NGLY1: variants seen among roughly 807,000 people sequenced by gnomAD.
NGLY1 encodes peptide-N(4)-(N-acetyl-beta-glucosaminyl)asparagine amidase.
Under a neutral mutation model 84.6 loss-of-function variants are expected in NGLY1, and 68 were observed. That is an observed-to-expected ratio of 0.80 (90% CI 0.66 to 0.98). NGLY1 has a LOEUF of 0.98. Ranked by LOEUF, NGLY1 falls within the 50% of genes least tolerant of loss-of-function variation. NGLY1 has a pLI of 0.00. For missense variants in NGLY1, 779 were observed against 770.2 expected (o/e 1.01, Z -0.14); for synonymous variants, 280 against 275.2 (o/e 1.02, Z -0.17).
chr3:25,739,691 T>C lies in NGLY1; in HGVS notation c.767A>G (p.Gln256Arg), dbSNP rs1276332899. 3 of 1,614,148 alleles carry C rather than the reference T, an allele frequency of 1.9e-6. No individual in the cohort carries two copies. Among genetic ancestry groups the C allele is most frequent in the South Asian group, 1.1e-5 (1 of 91,086 alleles). ...TAATGATCTATCTCTAGACCTAGTC[T>C]GTCCACCACATTTGCTGCACAAAAC... ...NNVLCSKCGG[Q>R]TRSRDRSLLP... The change falls in exon 5 of 12, where the codon CAG (glutamine) becomes CGG (arginine). Residue 256 changes from glutamine (Q) to arginine (R), a missense_variant. Coordinates refer to ENST00000280700, the MANE Select transcript of NGLY1 (RefSeq NM_018297.4).
intron 8 of NGLY1, among the ~76,000 whole-genome samples, chr3:25,733,473 G>A (rs1340027876): frequency 0.022 from 1,283 of 57,696 alleles, 25 homozygotes; most frequent in African/African-American, 0.06. Context: ...GGACGTGTGT[G>A]TGTGTGTGTG....
intron 10 of NGLY1, 88 bp from the exon 11 acceptor site, chr3:25,720,279 C>T (rs1365657986): frequency 5.6e-6 from 6 of 1,065,226 alleles, no homozygotes; most frequent in East Asian, 2.5e-5. Context: ...ATTACTGTCA[C>T]AGGGTAGTAT....
intron 3 of NGLY1, chr3:25,755,289 C>G: frequency 7.3e-7 from 1 of 1,362,806 alleles, no homozygotes; most frequent in Non-Finnish European, 1.1e-6. Context: ...TACTGCTTAA[C>G]AGCTCCAAAC....
chr3:25,750,516 G>A (rs1346004652), intron 4 of NGLY1, among the ~76,000 whole-genome samples: 1 of 152,102 alleles, frequency 6.6e-6, no homozygotes, highest in Non-Finnish European at 1.5e-5. Context: ...AATGAGTATA[G>A]TTTCAGTTTT....
chr3:25,774,122 T>C (rs118077400), intron 2 of NGLY1, among the ~76,000 whole-genome samples: 9 of 152,346 alleles, frequency 5.9e-5, no homozygotes, highest in East Asian at 1.9e-4. Context: ...TGTCATGCGA[T>C]TGGACTCAAG....
In NGLY1 at chr3:25,783,438, C is replaced by T; in HGVS notation, c.-48G>A. On this transcript the variant is annotated 5_prime_UTR_variant, in exon 1 of 12. Transcript: ENST00000280700. The surrounding 1 kb of genome is among the most constrained non-coding windows in gnomAD (Gnocchi z 4.5). ...CCGCCGCCCCTCGCTCTCCGCGTCC[C>T]ACACTGAGCAGGCGCCTCAGCGCGC... 1 of 1,478,922 alleles carries T rather than the reference C, an allele frequency of 6.8e-7. No homozygotes were observed. 91.6% of individuals were successfully genotyped at this position (1,478,922 alleles called of 1,614,324 possible).
chr3:25,734,541 G>GA (rs879289944), intron 7 of NGLY1: 36 of 151,736 alleles, frequency 2.4e-4, no homozygotes, highest in Non-Finnish European at 4.2e-4. Context: ...CGTCTCTACT[G>GA]AAAAAAAACA....
chr3:25,770,913 ATTTG>A (rs1190214710), intron 2 of NGLY1, among the ~76,000 whole-genome samples: 3 of 151,222 alleles, frequency 2.0e-5, no homozygotes, highest in East Asian at 1.9e-4. Flanking sequence ...TTTCTTGCTG[ATTTG>A]TTTGAGTTCC....
chr3:25,762,378 G>A (rs1007289640), intron 3 of NGLY1, among the ~76,000 whole-genome samples: 4 of 152,120 alleles, frequency 2.6e-5, no homozygotes, highest in African/African-American at 9.7e-5. Context: ...ATATTCCAGT[G>A]ATCCACGAAT....
intron 2 of NGLY1, among the ~76,000 whole-genome samples, chr3:25,765,236 GA>G (rs1707503000): frequency 6.6e-6 from 1 of 152,000 alleles, no homozygotes. Flanking sequence ...CACATGGGCA[GA>G]TTACCTGAGG....
At chr3:25,770,968 T>C (rs150662703) in intron 2 of NGLY1, among the ~76,000 whole-genome samples, 2,229 of 152,332 alleles carry the variant, frequency 0.015, 25 homozygotes, top group Non-Finnish European at 0.021. Flanking sequence ...GATACTTAGT[T>C]TGTGAAGATT....
intron 4 of NGLY1, among the ~76,000 whole-genome samples, chr3:25,746,916 G>A (rs1038450621): frequency 1.3e-5 from 2 of 152,090 alleles, no homozygotes; most frequent in African/African-American, 2.4e-5. Flanking sequence ...TGCAACCTCC[G>A]CCTTCCGGTT....
Position 25,719,621 on chromosome 3 carries a change from A to G in NGLY1, c.1804T>C (p.Ser602Pro), listed in dbSNP as rs112709918. The G allele has an allele frequency of 8.5e-5, 137 of 1,613,392 alleles. No individual in the cohort carries two copies. The highest frequency in any genetic ancestry group is 1.7e-4 in the Middle Eastern group (1 of 6,056). ...VELTGDNSLH[S>P]YADFSGATEV... ...GTGGCACCAGAAAAATCAGCATAGG[A>G]GTGAAGACTGTTATCTGTTAGAGGG... Residue 602 changes from serine to proline, a missense_variant, in exon 12 of 12, where the codon TCC becomes CCC. Transcript: ENST00000280700.
At chr3:25,727,744 G>A (rs534305352) in intron 10 of NGLY1, among the ~76,000 whole-genome samples, 1 of 152,266 alleles carries the variant, frequency 6.6e-6, no homozygotes, top group South Asian at 2.1e-4. Flanking sequence ...AGACAAAGAA[G>A]AAATACTCCA....
chr3:25,732,512 T>A (rs774184276), intron 8 of NGLY1, 29 bp from the exon 9 acceptor site: 1 of 1,593,736 alleles, frequency 6.3e-7, no homozygotes. Flanking sequence ...AAAAAAGTTG[T>A]TAAGATTAGG....
At chr3:25,747,037 T>C (rs566707496) in intron 4 of NGLY1, among the ~76,000 whole-genome samples, 1 of 152,204 alleles carries the variant, frequency 6.6e-6, no homozygotes, top group Non-Finnish European at 1.5e-5. Flanking sequence ...GGTTTCACCA[T>C]GTTGGCCAAG....
In NGLY1 at chr3:25,739,569, G is replaced by A. The variant is rs143998271; in HGVS notation, c.881+8C>T. The A allele has an allele frequency of 1.3e-4, 211 of 1,612,728 alleles. 1 individual carries two copies. The African/African-American group carries it at 2.4e-3, about 19-fold the overall frequency. On this transcript the variant is annotated splice_region_variant and intron_variant, in intron 5 of 11. Coordinates refer to ENST00000280700, the MANE Select transcript of NGLY1 (RefSeq NM_018297.4). The stretch of plus-strand genomic sequence containing the variant: ...GATTATTCTGATTTTACCATCCAGG[G>A]CACCCACCTTGGGAATCGATTGCTG...
chr3:25,764,032 G>A (rs751189587), intron 3 of NGLY1, 34 bp downstream of exon 3: 1 of 1,606,580 alleles, frequency 6.2e-7, no homozygotes, highest in South Asian at 1.1e-5. Flanking sequence ...CACTTTGAAA[G>A]AAACAGTTAA....
intron 9 of NGLY1, among the ~76,000 whole-genome samples, chr3:25,731,165 A>T (rs1254362715): frequency 6.6e-6 from 1 of 152,140 alleles, no homozygotes; most frequent in African/African-American, 2.4e-5. Context: ...ATATGCAAGC[A>T]TATACCAAGA....
Sources: gnomAD v4.1 joint callset for allele counts (sites outside exome capture counted in the v4.1 genomes callset) on GRCh38, gnomAD v4.1.1 for gene constraint, Gnocchi (gnomAD v3.1) non-coding constraint, MANE v1.5 for transcripts, NCBI Gene and HGNC (gene_info 2026-07-23, HGNC 2026-07-21) for gene names.